Variants in ADAMTSL1 observed in about 807,000 individuals in gnomAD.
The protein encoded by ADAMTSL1 is ADAMTS-like protein 1.
Under a neutral mutation model 201.8 loss-of-function variants are expected in ADAMTSL1, and 126 were observed. That is an observed-to-expected ratio of 0.62 (90% CI 0.54 to 0.72). The LOEUF (loss-of-function observed/expected upper bound fraction) is 0.72. ADAMTSL1 is among the 30% of genes least tolerant of loss of function. The probability of loss-of-function intolerance (pLI) is 0.00; values close to 1 mark genes in which losing one functional copy is unlikely to be tolerated. For synonymous variants in ADAMTSL1, 1,121 were observed against 903.4 expected (o/e 1.24, Z -4.32); for missense variants, 2,679 against 2,277.8 (o/e 1.18, Z -3.59).
At chr9:18,201,517 T>C (rs185266839) in intron 2 of ADAMTSL1, among the ~76,000 whole-genome samples, 2 of 152,242 alleles carry the variant, frequency 1.3e-5, no homozygotes, top group East Asian at 3.9e-4. Context: ...TTATTTTACT[T>C]TTTCTGTGCC....
At chr9:18,396,131 T>G (rs1047009851) in intron 2 of ADAMTSL1, among the ~76,000 whole-genome samples, 6 of 152,208 alleles carry the variant, frequency 3.9e-5, no homozygotes, top group Non-Finnish European at 8.8e-5. Context: ...TTATCCAACC[T>G]TAGAGCACTC....
At chr9:17,981,591 T>C (rs767944815) in intron 1 of ADAMTSL1, among the ~76,000 whole-genome samples, 3 of 152,204 alleles carry the variant, frequency 2.0e-5, no homozygotes, top group African/African-American at 4.8e-5. Context: ...CGTGTCCTTC[T>C]TCAAAGAGAT....
intron 15 of ADAMTSL1, among the ~76,000 whole-genome samples, chr9:18,732,377 A>T (rs1818264780): frequency 1.3e-5 from 2 of 152,204 alleles, no homozygotes; most frequent in South Asian, 4.1e-4. Flanking sequence ...GTCCTGAAAA[A>T]GGAGTACTTG....
chr9:18,184,588 G>A (rs762833875), intron 2 of ADAMTSL1, among the ~76,000 whole-genome samples: 3 of 152,200 alleles, frequency 2.0e-5, no homozygotes, highest in Non-Finnish European at 4.4e-5. Flanking sequence ...CAAGTGCCTT[G>A]TCCTGGCCTA....
chr9:18,598,604 T>G (rs957975779), intron 4 of ADAMTSL1, among the ~76,000 whole-genome samples: 2 of 152,056 alleles, frequency 1.3e-5, no homozygotes, highest in African/African-American at 4.8e-5. Context: ...TTAAAAGTAG[T>G]TGTATTATTT....
chr9:18,196,999 G>A (rs1055631663), intron 2 of ADAMTSL1, among the ~76,000 whole-genome samples: 10 of 151,998 alleles, frequency 6.6e-5, no homozygotes, highest in Non-Finnish European at 1.2e-4. Flanking sequence ...TCTCATGTTC[G>A]TTTCCTTCAA....
At chr9:17,957,178 A>T (rs1197886212) in intron 1 of ADAMTSL1, among the ~76,000 whole-genome samples, 1 of 152,194 alleles carries the variant, frequency 6.6e-6, no homozygotes, top group Non-Finnish European at 1.5e-5. Context: ...TATTTTAAAG[A>T]TCAATAAAAT....
intron 15 of ADAMTSL1, chr9:18,723,423 C>T: frequency 2.9e-6 from 1 of 345,898 alleles, no homozygotes; most frequent in Non-Finnish European, 5.5e-6. Flanking sequence ...TGCTGGGACT[C>T]GTGGTCCCTA....
chr9:18,150,912 T>C (rs1283260903), intron 1 of ADAMTSL1, among the ~76,000 whole-genome samples: 1 of 151,900 alleles, frequency 6.6e-6, no homozygotes, highest in Non-Finnish European at 1.5e-5. Context: ...TTATTTTTTT[T>C]TTCTGTGAAA....
At chr9:18,305,633 A>G (rs1833879641) in intron 2 of ADAMTSL1, among the ~76,000 whole-genome samples, 1 of 152,190 alleles carries the variant, frequency 6.6e-6, no homozygotes, top group Admixed American at 6.5e-5. Context: ...CAGCAAAGCC[A>G]CTGTAGCCAG....
At chr9:17,920,661 C>G (rs10810874) in intron 1 of ADAMTSL1, among the ~76,000 whole-genome samples, 50,367 of 152,026 alleles carry the variant, frequency 0.33, 9,348 homozygotes, top group East Asian at 0.56. Context: ...ATTTTTTGGT[C>G]TCTGGAAACT....
chr9:18,853,889 C>CTGTGTGTGTGTGTGTGTGTGTG (rs71333070), intron 23 of ADAMTSL1, among the ~76,000 whole-genome samples: 6 of 120,300 alleles, frequency 5.0e-5, no homozygotes, highest in African/African-American at 1.6e-4. Flanking sequence ...TATTCACTCT[C>CTGTGTGTGTGTGTGTGTGTGTG]TGTGTGTGTG....
chr9:18,344,846 T>A (rs917766289), intron 2 of ADAMTSL1, among the ~76,000 whole-genome samples: 2 of 152,122 alleles, frequency 1.3e-5, no homozygotes, highest in African/African-American at 4.8e-5. Context: ...TGATTTGAGT[T>A]CAGAACCCAT....
intron 1 of ADAMTSL1, among the ~76,000 whole-genome samples, chr9:18,156,635 CAT>C (rs1304283207): frequency 1.3e-5 from 1 of 77,350 alleles, no homozygotes; most frequent in African/African-American, 3.7e-5. Flanking sequence ...GACATAAACA[CAT>C]ACACACACAC....
intron 2 of ADAMTSL1, among the ~76,000 whole-genome samples, chr9:18,386,817 A>G (rs1837814008): frequency 6.6e-6 from 1 of 152,156 alleles, no homozygotes; most frequent in African/African-American, 2.4e-5. Context: ...CTTCTCAGCA[A>G]TCTTTCTCAC....
At chr9:18,072,864 C>G (rs1317736733) in intron 1 of ADAMTSL1, among the ~76,000 whole-genome samples, 3 of 152,084 alleles carry the variant, frequency 2.0e-5, no homozygotes, top group Admixed American at 6.5e-5. Context: ...TATCCTTTGT[C>G]TTTTCCAAAG....
At chr9:18,766,549 A>G (rs1820376165) in intron 16 of ADAMTSL1, among the ~76,000 whole-genome samples, 1 of 152,218 alleles carries the variant, frequency 6.6e-6, no homozygotes, top group Non-Finnish European at 1.5e-5. Context: ...CTGCTAAAAC[A>G]AAATACCGTA....
At chr9:17,967,674 T>A (rs1226362777) in intron 1 of ADAMTSL1, among the ~76,000 whole-genome samples, 2 of 152,178 alleles carry the variant, frequency 1.3e-5, no homozygotes, top group Non-Finnish European at 2.9e-5. Context: ...TTGCTTCTTA[T>A]ATCTCAGCTT....
intron 2 of ADAMTSL1, among the ~76,000 whole-genome samples, chr9:18,217,160 CT>C (rs1830084781): frequency 6.6e-6 from 1 of 152,156 alleles, no homozygotes; most frequent in South Asian, 2.1e-4. Flanking sequence ...CATTTTTGTT[CT>C]GTTGCCTGCT....
Sources: allele counts gnomAD v4.1 joint callset (sites outside exome capture counted in the v4.1 genomes callset), GRCh38; gene constraint gnomAD v4.1.1; transcripts MANE v1.5; gene names NCBI Gene and HGNC (gene_info 2026-07-23, HGNC 2026-07-21).